Variants in FSTL5 observed in about 807,000 individuals in gnomAD.
FSTL5 encodes follistatin-related protein 5.
A neutral mutation model predicts 89.1 loss-of-function variants in FSTL5; 62 were observed. The ratio of observed to expected loss-of-function variants is 0.70; its 90% confidence interval spans 0.57 to 0.86. FSTL5 has a LOEUF of 0.86. Ranked by LOEUF, FSTL5 falls within the 40% of genes least tolerant of loss-of-function variation. The pLI, the probability that FSTL5 is intolerant of heterozygous loss-of-function variation, is 0.00. For missense variants in FSTL5, 1,057 were observed against 1,001.6 expected, an observed-to-expected ratio of 1.06 and a Z score of -0.75; for synonymous variants, 383 against 346.2, an observed-to-expected ratio of 1.11 and a Z score of -1.18.
chr4:161,973,830 C>G (rs775261924), intron 3 of FSTL5, among the ~76,000 whole-genome samples: 23 of 151,930 alleles, frequency 1.5e-4, no homozygotes, highest in Non-Finnish European at 2.6e-4. Context: ...GATTATCTCC[C>G]GACGACATGA....
At chr4:161,646,896 T>C (rs1346193573) in intron 7 of FSTL5, among the ~76,000 whole-genome samples, 1 of 152,210 alleles carries the variant, frequency 6.6e-6, no homozygotes, top group Non-Finnish European at 1.5e-5. Flanking sequence ...TTTATTTTAA[T>C]AGTAACCTTT....
rs182814992 is a variant in FSTL5 at position 162,111,161 on chromosome 4, T to G, written c.126+110A>C. ...ATTTTAAAAATAATATGGAAACTAC[T>G]GAAAGCATATTCTGAAATAAGTGCT... On this transcript the variant is annotated intron_variant, in intron 2 of 15. Transcript: ENST00000306100. The G allele has an allele frequency of 4.1e-4, 351 of 849,470 alleles. No individual in the cohort carries two copies. In the African/African-American group the frequency reaches 5.6e-3, roughly 13 times the overall value. The allele number at this position is 849,470 out of a possible 1,614,324, so 52.6% of individuals were successfully genotyped here. A position where few individuals can be genotyped will look rare whatever the true frequency, so the allele number is the denominator to read the frequency against.
In FSTL5 at chr4:161,548,926, C is replaced by T. The variant is rs183954496; in HGVS notation, c.1016-6233G>A. Among the ~76,000 whole-genome samples, 176 of 151,696 alleles carry T rather than the reference C, an allele frequency of 1.2e-3. 1 individual carries two copies. Among genetic ancestry groups the T allele is most frequent in the Non-Finnish European group, 2.1e-3 (145 of 67,790 alleles). On this transcript the variant is annotated intron_variant, in intron 8 of 15. Coordinates refer to ENST00000306100, the MANE Select transcript of FSTL5 (RefSeq NM_020116.5). ...ATACCAAAAAGCATAATGTCCTTTCCAACAAAAATTAACATGCTATCTTTA... is the reference window on the plus strand; with the variant it reads ...ATACCAAAAAGCATAATGTCCTTTCTAACAAAAATTAACATGCTATCTTTA...
intron 15 of FSTL5, among the ~76,000 whole-genome samples, chr4:161,440,173 C>T (rs543663088): frequency 6.6e-6 from 1 of 152,098 alleles, no homozygotes; most frequent in African/African-American, 2.4e-5. Context: ...ACAAAAGGCA[C>T]TAAAAGTGAA....
At chr4:161,567,587 T>A (rs2126580791) in intron 8 of FSTL5, among the ~76,000 whole-genome samples, 1 of 152,300 alleles carries the variant, frequency 6.6e-6, no homozygotes, top group Middle Eastern at 3.4e-3. Context: ...CATATCATGC[T>A]AATTTAAATA....
chr4:161,627,127 A>G (rs139764612), intron 7 of FSTL5, among the ~76,000 whole-genome samples: 1 of 152,324 alleles, frequency 6.6e-6, no homozygotes, highest in East Asian at 1.9e-4. Flanking sequence ...CTGTGTGTAA[A>G]ACACTATGAA....
At chr4:161,436,145 G>A (rs1020069339) in intron 15 of FSTL5, among the ~76,000 whole-genome samples, 4 of 152,100 alleles carry the variant, frequency 2.6e-5, no homozygotes, top group African/African-American at 4.8e-5. Context: ...AGATCGCTGT[G>A]TAGTCACCAA....
intron 4 of FSTL5, among the ~76,000 whole-genome samples, chr4:161,791,809 C>A (rs776505686): frequency 1.3e-5 from 2 of 152,200 alleles, no homozygotes; most frequent in Admixed American, 6.5e-5. Context: ...GACAGCATTG[C>A]TTTCATTATT....
At chr4:161,484,739 A>C (rs1372233708) in intron 12 of FSTL5, among the ~76,000 whole-genome samples, 8 of 152,176 alleles carry the variant, frequency 5.3e-5, no homozygotes, top group Non-Finnish European at 1.0e-4. Flanking sequence ...AGAGCTTACT[A>C]TGTGAAGAAT....
At chr4:161,866,081 T>A (rs543218706) in intron 4 of FSTL5, among the ~76,000 whole-genome samples, 2 of 152,278 alleles carry the variant, frequency 1.3e-5, no homozygotes, top group South Asian at 4.1e-4. Context: ...CTAGCTCACA[T>A]CTTACCTGGA....
intron 15 of FSTL5, among the ~76,000 whole-genome samples, chr4:161,452,058 C>T (rs544640576): frequency 2.0e-5 from 3 of 152,302 alleles, no homozygotes; most frequent in Admixed American, 2.0e-4. Flanking sequence ...AGACCCTCTG[C>T]CTGGCATGGA....
chr4:161,861,981 G>A (rs1251924079), intron 4 of FSTL5, among the ~76,000 whole-genome samples: 1 of 152,136 alleles, frequency 6.6e-6, no homozygotes, highest in African/African-American at 2.4e-5. Flanking sequence ...ATACTCAAGA[G>A]ACTTCAGTTT....
intron 4 of FSTL5, among the ~76,000 whole-genome samples, chr4:161,898,112 AT>A (rs1300839165): frequency 3.4e-5 from 5 of 148,178 alleles, no homozygotes. Flanking sequence ...TTTTATGAAT[AT>A]ATTAATATTA....
intron 6 of FSTL5, among the ~76,000 whole-genome samples, chr4:161,721,247 C>T (rs899175007): frequency 7.1e-5 from 9 of 126,820 alleles, no homozygotes; most frequent in South Asian, 2.5e-4. Context: ...CACTGCAGTC[C>T]GCAGTCCGGC....
At chr4:161,577,246 A>G (rs1327631189) in intron 8 of FSTL5, among the ~76,000 whole-genome samples, 3 of 152,082 alleles carry the variant, frequency 2.0e-5, no homozygotes, top group Non-Finnish European at 4.4e-5. Flanking sequence ...TAACTTTCAG[A>G]ACTTTTTACA....
At chr4:161,391,157 C>T (rs748827406) in intron 15 of FSTL5, among the ~76,000 whole-genome samples, 5 of 151,984 alleles carry the variant, frequency 3.3e-5, no homozygotes, top group Non-Finnish European at 4.4e-5. Context: ...TTCCGATGTC[C>T]CAATTATTAA....
intron 11 of FSTL5, among the ~76,000 whole-genome samples, chr4:161,504,984 G>A (rs558820501): frequency 2.0e-5 from 3 of 152,066 alleles, no homozygotes; most frequent in African/African-American, 7.2e-5. Context: ...CATTAGTTTT[G>A]CATTCATATT....
intron 3 of FSTL5, among the ~76,000 whole-genome samples, chr4:161,982,275 T>C (rs896352277): frequency 6.6e-6 from 1 of 152,218 alleles, no homozygotes; most frequent in Admixed American, 6.5e-5. Flanking sequence ...TGATTGTTCA[T>C]TTGGGGTCAA....
intron 10 of FSTL5, among the ~76,000 whole-genome samples, chr4:161,524,536 G>A (rs1731144457): frequency 6.6e-6 from 1 of 151,694 alleles, no homozygotes; most frequent in Non-Finnish European, 1.5e-5. Flanking sequence ...TTCTAATTTG[G>A]CTTTTTTTTC....
Sources: allele counts gnomAD v4.1 joint callset (sites outside exome capture counted in the v4.1 genomes callset), GRCh38; gene constraint gnomAD v4.1.1; transcripts MANE v1.5; gene names NCBI Gene and HGNC (gene_info 2026-07-23, HGNC 2026-07-21).